The following ALG12 variants were observed in gnomAD, a reference collection of about 807,000 sequenced individuals.
The protein encoded by ALG12 is dol-P-Man:Man(7)GlcNAc(2)-PP-Dol alpha-1,6-mannosyltransferase.
Under a neutral mutation model 46.0 loss-of-function variants are expected in ALG12, and 36 were observed. That is an observed-to-expected ratio of 0.78 (90% CI 0.60 to 1.03). ALG12 has a LOEUF of 1.03. Among genes scored for constraint, ALG12 ranks in the 50% least tolerant of loss-of-function variants. ALG12 has a pLI of 0.00. For missense variants in ALG12, 599 were observed against 633.5 expected, an observed-to-expected ratio of 0.95 and a Z score of 0.58; for synonymous variants, 326 against 291.6, an observed-to-expected ratio of 1.12 and a Z score of -1.20.
the ALG12 span, chr22:49,889,602 T>A: frequency 6.0e-6 from 1 of 167,226 alleles, no homozygotes; most frequent in Admixed American, 6.5e-5. Flanking sequence ...AATATGGCCC[T>A]TCCTGAATGA....
intron 3 of ALG12, among the ~76,000 whole-genome samples, chr22:49,911,558 C>T (rs888823176): frequency 4.6e-5 from 7 of 152,164 alleles, no homozygotes; most frequent in African/African-American, 9.7e-5. Flanking sequence ...CCTCAGCCTC[C>T]GGAGTAGCTG....
chr22:49,890,876 C>G, the ALG12 span, among the ~76,000 whole-genome samples: 1 of 152,108 alleles, frequency 6.6e-6, no homozygotes, highest in African/African-American at 2.4e-5. Flanking sequence ...AAAAAATTAG[C>G]TGGGCGTGGT....
At chr22:49,885,948 C>T in the ALG12 span, 60 of 749,918 alleles carry the variant, frequency 8.0e-5, no homozygotes, top group Admixed American at 4.0e-4. Context: ...CGCGCTGTGA[C>T]GACCACCACT....
the ALG12 span, among the ~76,000 whole-genome samples, chr22:49,894,351 G>A: frequency 6.6e-6 from 1 of 152,208 alleles, no homozygotes; most frequent in African/African-American, 2.4e-5. Context: ...AACCAAATGT[G>A]TCAGCAAGCA....
the ALG12 span, among the ~76,000 whole-genome samples, chr22:49,890,543 A>C: frequency 6.6e-6 from 1 of 152,168 alleles, no homozygotes; most frequent in Non-Finnish European, 1.5e-5. Flanking sequence ...GAAGGAGCAA[A>C]ATCGGGACTG....
chr22:49,869,936 G>C, the ALG12 span, among the ~76,000 whole-genome samples: 1 of 152,154 alleles, frequency 6.6e-6, no homozygotes, highest in East Asian at 1.9e-4. Context: ...GTACTCAATA[G>C]GTTGTTTTTC....
At chr22:49,869,742 T>TACCA in the ALG12 span, among the ~76,000 whole-genome samples, 1 of 152,218 alleles carries the variant, frequency 6.6e-6, no homozygotes, top group African/African-American at 2.4e-5. Context: ...GCTTCAGAAT[T>TACCA]ACCAGTTCAC....
chr22:49,883,430 C>A, the ALG12 span: 1 of 466,886 alleles, frequency 2.1e-6, no homozygotes, highest in Non-Finnish European at 3.6e-6. Flanking sequence ...TTGTTGTCTA[C>A]ACCATGAGTG....
the ALG12 span, among the ~76,000 whole-genome samples, chr22:49,880,119 C>G: frequency 9.7e-6 from 1 of 102,882 alleles, no homozygotes; most frequent in Non-Finnish European, 2.5e-5. Context: ...ACCGTTTCCT[C>G]CTCTTGAGGC....
the ALG12 span, among the ~76,000 whole-genome samples, chr22:49,882,799 A>G: frequency 6.6e-6 from 1 of 152,322 alleles, no homozygotes; most frequent in South Asian, 2.1e-4. Context: ...GATGGGCTGG[A>G]AGCGGTTTTC....
chr22:49,859,488 G>T, the ALG12 span, among the ~76,000 whole-genome samples: 1 of 152,148 alleles, frequency 6.6e-6, no homozygotes, highest in South Asian at 2.1e-4. Context: ...TTCTGGCCCA[G>T]TGTCCCAGGC....
chr22:49,916,952 G>C (rs9616375), intron 1 of ALG12, among the ~76,000 whole-genome samples: 1 of 152,116 alleles, frequency 6.6e-6, no homozygotes, highest in East Asian at 1.9e-4. Context: ...AAAACATTAC[G>C]TGCTGACTCT....
chr22:49,893,162 T>C, the ALG12 span, among the ~76,000 whole-genome samples: 12 of 152,280 alleles, frequency 7.9e-5, no homozygotes, highest in South Asian at 2.3e-3. Context: ...AGATGAAAAG[T>C]GCCTGAGAGA....
chr22:49,888,147 G>T, the ALG12 span: 3 of 167,102 alleles, frequency 1.8e-5, no homozygotes, highest in Non-Finnish European at 2.9e-5. Flanking sequence ...TTTATGATAG[G>T]GAAGATGCGG....
the ALG12 span, among the ~76,000 whole-genome samples, chr22:49,891,419 C>T: frequency 1.3e-5 from 2 of 152,186 alleles, no homozygotes; most frequent in African/African-American, 4.8e-5. Flanking sequence ...TGTTAATCGT[C>T]AGTCCTCTTT....
the ALG12 span, chr22:49,885,597 T>G: frequency 3.1e-6 from 5 of 1,608,598 alleles, no homozygotes; most frequent in Non-Finnish European, 4.3e-6. Flanking sequence ...ATGACACCAA[T>G]GAGAAGTTTT....
chr22:49,870,440 C>T, the ALG12 span, among the ~76,000 whole-genome samples: 1 of 152,184 alleles, frequency 6.6e-6, no homozygotes, highest in African/African-American at 2.4e-5. Context: ...GACATCCCTG[C>T]CAGCAGTGCT....
Position 49,903,599 on chromosome 22 carries a change from C to A in ALG12, c.*239G>T. On this transcript the variant is annotated 3_prime_UTR_variant, in exon 10 of 10. Coordinates refer to ENST00000330817, the MANE Select transcript of ALG12 (RefSeq NM_024105.4). ...GAAGCCCTGAGCTGGCCACCATCAC[C>A]CTGGGCAGTGGCTCCCGGGGTGCCA... 1 of 680,896 alleles carries A rather than the reference C, an allele frequency of 1.5e-6. No homozygotes were observed. The highest frequency in any genetic ancestry group is 2.7e-6 in the Non-Finnish European group (1 of 371,928). 42.2% of individuals were successfully genotyped at this position (680,896 alleles called of 1,614,324 possible).
At chr22:49,907,279 T>A (rs1933279232) in intron 7 of ALG12, among the ~76,000 whole-genome samples, 1 of 152,136 alleles carries the variant, frequency 6.6e-6, no homozygotes, top group Non-Finnish European at 1.5e-5. Context: ...TGAGTGTCAC[T>A]CTCCCATGAC....
Sources: gnomAD v4.1 joint callset for allele counts (sites outside exome capture counted in the v4.1 genomes callset) on GRCh38, gnomAD v4.1.1 for gene constraint, MANE v1.5 for transcripts, NCBI Gene and HGNC (gene_info 2026-07-23, HGNC 2026-07-21) for gene names.